Variants in CECR2 observed in about 807,000 individuals in gnomAD.
CECR2 encodes the protein chromatin remodeling regulator CECR2.
A neutral mutation model predicts 154.5 loss-of-function variants in CECR2; 30 were observed. That is an observed-to-expected ratio of 0.19 (90% CI 0.15 to 0.26). The LOEUF (loss-of-function observed/expected upper bound fraction) is 0.26, where lower values mean the gene tolerates loss of function less well. CECR2 is among the 10% of genes least tolerant of loss of function. The pLI is 1.00. For synonymous variants in CECR2, 725 were observed against 683.7 expected (o/e 1.06, Z -0.94); for missense variants, 1,743 against 1,829.3 (o/e 0.95, Z 0.86).
At chr22:17,421,038 T>C (rs912988287) in intron 1 of CECR2, among the ~76,000 whole-genome samples, 2 of 152,244 alleles carry the variant, frequency 1.3e-5, no homozygotes, top group East Asian at 3.8e-4. Flanking sequence ...TCAATGTATA[T>C]AATAGAATAC....
At chr22:17,388,322 C>G (rs1381042990) in intron 1 of CECR2, among the ~76,000 whole-genome samples, 1 of 152,170 alleles carries the variant, frequency 6.6e-6, no homozygotes, top group African/African-American at 2.4e-5. Context: ...TGGTGCCATG[C>G]ACTGTCTCAA....
At chr22:17,522,248 A>G (rs146005704) in intron 8 of CECR2, among the ~76,000 whole-genome samples, 5 of 152,324 alleles carry the variant, frequency 3.3e-5, no homozygotes, top group African/African-American at 9.6e-5. Context: ...TACATCTGAA[A>G]AGAGCAAAGG....
intron 2 of CECR2, among the ~76,000 whole-genome samples, chr22:17,489,509 G>A (rs1265254575): frequency 6.6e-6 from 1 of 152,164 alleles, no homozygotes; most frequent in Non-Finnish European, 1.5e-5. Flanking sequence ...AGGCTGGAGT[G>A]CAGTGCTGTG....
chr22:17,537,509 CT>C (rs1414160141), intron 10 of CECR2, among the ~76,000 whole-genome samples: 16 of 152,302 alleles, frequency 1.1e-4, no homozygotes, highest in Admixed American at 3.3e-4. Flanking sequence ...AAATTAGCTC[CT>C]TGGAAATGTG....
At position 17,459,836 on chromosome 22, in the gene CECR2, T is replaced by C. The variant is rs181512113; in HGVS notation, c.127-17752T>C. ...TTCCAAATATGCAACCTAAAGCAAC[T>C]GTCTTGAAACAAATTCTTCAGAAGC... On this transcript the variant is annotated intron_variant, in intron 1 of 18. Transcript: ENST00000262608. Among the ~76,000 whole-genome samples the C allele has an allele frequency of 3.0e-3, 458 of 152,330 alleles. 5 individuals are homozygous for C. Among genetic ancestry groups the C allele is most frequent in the Admixed American group, 0.024 (362 of 15,298 alleles).
chr22:17,381,922 CTG>C (rs1349663067), intron 1 of CECR2, among the ~76,000 whole-genome samples: 2 of 151,302 alleles, frequency 1.3e-5, no homozygotes, highest in Non-Finnish European at 2.9e-5. Flanking sequence ...GAGTCTCACT[CTG>C]TCACCCAGGC....
intron 1 of CECR2, among the ~76,000 whole-genome samples, chr22:17,457,819 A>C (rs895079082): frequency 6.6e-6 from 1 of 152,246 alleles, no homozygotes; most frequent in Admixed American, 6.5e-5. Context: ...ACTCCTCAGC[A>C]ATAAAAAGAG....
At position 17,542,740 on chromosome 22, in the gene CECR2, C is replaced by A; in HGVS notation, c.2597C>A (p.Pro866His). The A allele has an allele frequency of 6.2e-7, 1 of 1,614,036 alleles. No homozygotes were observed. Among genetic ancestry groups the A allele is most frequent in the Middle Eastern group, 1.6e-4 (1 of 6,062 alleles). The change falls in exon 16 of 19, where the codon CCT becomes CAT. Residue 866 changes from proline to histidine, a missense_variant. Coordinates refer to ENST00000262608, the MANE Select transcript of CECR2 (RefSeq NM_001290047.2). ...GCACCCAGTTCTTTGTTTGGAGCAC[C>A]TGCCCAGGCTCTTCGGGGGGTGCAG... is the stretch of plus-strand genomic sequence containing the variant. The part of the protein sequence containing the change: ...VPAPSSLFGA[P>H]AQALRGVQGG...
At chr22:17,552,531 GTCTCGTGCAGTGCTTC>G (rs1221371323) in intron 18 of CECR2, among the ~76,000 whole-genome samples, 1 of 151,994 alleles carries the variant, frequency 6.6e-6, no homozygotes, top group African/African-American at 2.4e-5. Flanking sequence ...CCCATGCGTT[GTCTCGTGCAGTGCTTC>G]TCTCCCATGC....
At chr22:17,421,868 A>T (rs1325747014) in intron 1 of CECR2, among the ~76,000 whole-genome samples, 1 of 140,696 alleles carries the variant, frequency 7.1e-6, no homozygotes, top group South Asian at 2.2e-4. Flanking sequence ...AAAACAAAAA[A>T]AACTTTTTTT....
intron 1 of CECR2, among the ~76,000 whole-genome samples, chr22:17,394,488 A>T (rs2053779179): frequency 6.6e-6 from 1 of 151,950 alleles, no homozygotes; most frequent in Non-Finnish European, 1.5e-5. Context: ...AGCGTGAACC[A>T]CCACACCCAG....
intron 1 of CECR2, among the ~76,000 whole-genome samples, chr22:17,388,724 A>G (rs2063293552): frequency 6.6e-6 from 1 of 152,212 alleles, no homozygotes; most frequent in Non-Finnish European, 1.5e-5. Context: ...TTACTTACAA[A>G]ATATGTTAAT....
chr22:17,463,925 A>G (rs1324469995), intron 1 of CECR2, among the ~76,000 whole-genome samples: 1 of 152,204 alleles, frequency 6.6e-6, no homozygotes, highest in Admixed American at 6.5e-5. Context: ...GGAAAACAGC[A>G]AAGATGGAAA....
intron 2 of CECR2, among the ~76,000 whole-genome samples, chr22:17,492,431 G>T (rs576961683): frequency 6.6e-6 from 1 of 152,286 alleles, no homozygotes; most frequent in East Asian, 1.9e-4. Context: ...ACTTGAATCA[G>T]GTCGTGCCGT....
At chr22:17,537,376 A>T in intron 10 of CECR2, 144 bp downstream of exon 10, 2 of 904,580 alleles carry the variant, frequency 2.2e-6, no homozygotes, top group Middle Eastern at 2.3e-4. Flanking sequence ...GGCCCTGCAC[A>T]CACAGACACG....
chr22:17,539,198 C>A, intron 13 of CECR2, 79 bp downstream of exon 13: 1 of 1,493,508 alleles, frequency 6.7e-7, no homozygotes, highest in Non-Finnish European at 9.2e-7. Flanking sequence ...AATACACATC[C>A]TAGTGCCTTT....
chr22:17,371,163 T>G (rs993612646), intron 1 of CECR2, among the ~76,000 whole-genome samples: 20 of 152,188 alleles, frequency 1.3e-4, no homozygotes, highest in African/African-American at 1.9e-4. Flanking sequence ...ATCAGTTGCT[T>G]CTTCTGTGAA....
chr22:17,368,204 C>A (rs1311610904), upstream of CECR2, among the ~76,000 whole-genome samples: 1 of 152,108 alleles, frequency 6.6e-6, no homozygotes, highest in South Asian at 2.1e-4. Context: ...GGTAATTATC[C>A]AGACAGCCCA....
chr22:17,461,345 A>G (rs1274375858), intron 1 of CECR2, among the ~76,000 whole-genome samples: 2 of 152,204 alleles, frequency 1.3e-5, no homozygotes, highest in African/African-American at 4.8e-5. Flanking sequence ...ATCCTCTTTT[A>G]AATATTCTGT....
Sources: allele counts gnomAD v4.1 joint callset (sites outside exome capture counted in the v4.1 genomes callset), GRCh38; gene constraint gnomAD v4.1.1; transcripts MANE v1.5; gene names NCBI Gene and HGNC (gene_info 2026-07-23, HGNC 2026-07-21).